The following PCDHGB7 variants were observed in gnomAD, a reference collection of about 807,000 sequenced individuals.
The protein encoded by PCDHGB7 is protocadherin gamma subfamily B, 7.
A neutral mutation model predicts 61.4 loss-of-function variants in PCDHGB7; 37 were observed. The ratio of observed to expected loss-of-function variants is 0.60; its 90% confidence interval spans 0.46 to 0.79. The LOEUF is 0.79. Ranked by LOEUF, PCDHGB7 falls within the 30% of genes least tolerant of loss-of-function variation. The pLI is 0.00. For synonymous variants in PCDHGB7, 464 were observed against 503.5 expected (o/e 0.92, Z 1.05); for missense variants, 1,166 against 1,202.5 (o/e 0.97, Z 0.45).
rs781289120 is a variant in PCDHGB7 at position 141,431,571 on chromosome 5, A to G, written c.2415+11297A>G. ...GTAGTCAACGCTACCGACCCTGACG[A>G]AGGAGTCAATGCGGAAGTGAGGTAT... is the stretch of plus-strand genomic sequence containing the variant. On this transcript the variant is annotated intron_variant, in intron 1 of 3. Transcript: ENST00000398594. The surrounding 1 kb of genome is among the most constrained non-coding windows in gnomAD (Gnocchi z 4.8). 6.2e-7 allele frequency: 1 copy of G among 1,614,144 alleles called. No homozygotes were observed. The highest frequency in any genetic ancestry group is 2.2e-5 in the East Asian group (1 of 44,882).
At chr5:141,499,300 C>G (rs2154592463) in intron 2 of PCDHGB7, among the ~76,000 whole-genome samples, 1 of 152,292 alleles carries the variant, frequency 6.6e-6, no homozygotes, top group South Asian at 2.1e-4. Context: ...ACTACCATCC[C>G]TCCTCTGAGA....
chr5:141,421,073 G>A (rs2096544393), intron 1 of PCDHGB7: 4 of 613,858 alleles, frequency 6.5e-6, no homozygotes, highest in Non-Finnish European at 1.1e-5. Flanking sequence ...GGAATGAGAT[G>A]GATACTCACA....
At chr5:141,455,537 A>G (rs1158681837) in intron 1 of PCDHGB7, among the ~76,000 whole-genome samples, 2 of 152,162 alleles carry the variant, frequency 1.3e-5, no homozygotes, top group Non-Finnish European at 2.9e-5. Flanking sequence ...CAGGCATATC[A>G]TTCACGTAGC....
chr5:141,490,585 G>C lies in PCDHGB7; in HGVS notation c.2416-4222G>C. On this transcript the variant is annotated intron_variant, in intron 1 of 3. Transcript: ENST00000398594. The surrounding 1 kb of genome is among the most constrained non-coding windows in gnomAD (Gnocchi z 5.4). Reference sequence around the variant, plus strand: ...CAGGCTCAACATTTCAGATGTCAATGACAATGCACCCCGCTTCAACCAGCA... The same window carrying C: ...CAGGCTCAACATTTCAGATGTCAATCACAATGCACCCCGCTTCAACCAGCA... The C allele has an allele frequency of 6.2e-7, 1 of 1,614,142 alleles. No homozygotes were observed. Among genetic ancestry groups the C allele is most frequent in the South Asian group, 1.1e-5 (1 of 91,078 alleles).
chr5:141,419,220 A>G lies in PCDHGB7; in HGVS notation c.1361A>G (p.Gln454Arg), dbSNP rs2096345873. Reference sequence around the variant, plus strand: ...AATGACAACGCGCCGGTTTTCGGACAGTCAGCCTACCTGGTCCACGTGCCA... The same window carrying G: ...AATGACAACGCGCCGGTTTTCGGACGGTCAGCCTACCTGGTCCACGTGCCA... Reference protein sequence around the residue: ...DVNDNAPVFGQSAYLVHVPEN... With the variant: ...DVNDNAPVFGRSAYLVHVPEN... The change falls in exon 1 of 4, where the codon CAG (glutamine) becomes CGG (arginine). Residue 454 changes from glutamine to arginine, a missense_variant. By Grantham distance (43) the Gln-to-Arg change is conservative. Coordinates refer to ENST00000398594, the MANE Select transcript of PCDHGB7 (RefSeq NM_018927.4). 1 of 1,613,966 alleles carries G rather than the reference A, an allele frequency of 6.2e-7. No homozygotes were observed. The highest frequency in any genetic ancestry group is 8.5e-7 in the Non-Finnish European group (1 of 1,179,878).
At position 141,473,164 on chromosome 5, in the gene PCDHGB7, G is replaced by A. The variant is rs190029663; in HGVS notation, c.2416-21643G>A. Among the ~76,000 whole-genome samples the A allele has an allele frequency of 1.6e-3, 241 of 152,250 alleles. 5 individuals carry two copies. The highest frequency in any genetic ancestry group is 2.1e-4 in the Non-Finnish European group (14 of 68,014). ...TCTTCAGATCACTAGGGCTAGGAAG[G>A]CCCACTGGTAACTTGAAGGAGTAAA... On this transcript the variant is annotated intron_variant, in intron 1 of 3. Transcript: ENST00000398594.
In PCDHGB7 at chr5:141,486,727, T is replaced by C; in HGVS notation, c.2416-8080T>C. ...TGAACCCCCAGACAGGAGCTGTTCA[T>C]GCTACTCGATCCTTTGACTATGAGC... On this transcript the variant is annotated intron_variant, in intron 1 of 3. Transcript: ENST00000398594. The surrounding 1 kb of genome is among the most constrained non-coding windows in gnomAD (Gnocchi z 5.0). 6.2e-7 allele frequency: 1 copy of C among 1,614,232 alleles called. No homozygotes were observed. Among genetic ancestry groups the C allele is most frequent in the Non-Finnish European group, 8.5e-7 (1 of 1,180,044 alleles).
chr5:141,435,454 T>C (rs1407615505), intron 1 of PCDHGB7, among the ~76,000 whole-genome samples: 1 of 152,220 alleles, frequency 6.6e-6, no homozygotes, highest in Non-Finnish European at 1.5e-5. Flanking sequence ...ACGATATCTG[T>C]ATGTGTTTCC....
rs1395688351 is a variant in PCDHGB7 at position 141,485,907 on chromosome 5, C to A, written c.2416-8900C>A. On this transcript the variant is annotated intron_variant, in intron 1 of 3. Coordinates refer to ENST00000398594, the MANE Select transcript of PCDHGB7 (RefSeq NM_018927.4). The surrounding 1 kb of genome is among the most constrained non-coding windows in gnomAD (Gnocchi z 5.7). ...GACAACGCCCCAGCCTTCCAGCAAT[C>A]CAGCTACAGGATTAGTGTGTTGGAG... is the stretch of plus-strand genomic sequence containing the variant. 6.2e-7 allele frequency: 1 copy of A among 1,614,176 alleles called. No homozygotes were observed.
intron 1 of PCDHGB7, among the ~76,000 whole-genome samples, chr5:141,459,101 C>A (rs1021289352): frequency 6.6e-6 from 1 of 152,192 alleles, no homozygotes; most frequent in Non-Finnish European, 1.5e-5. Context: ...CAGTGCAATG[C>A]ATTTTGACAA....
At chr5:141,426,010 C>T (rs2096909211) in intron 1 of PCDHGB7, among the ~76,000 whole-genome samples, 1 of 152,178 alleles carries the variant, frequency 6.6e-6, no homozygotes, top group Non-Finnish European at 1.5e-5. Flanking sequence ...CTTCCGGCTG[C>T]AGTTTTCTAA....
chr5:141,452,002 T>C (rs965343762), intron 1 of PCDHGB7, among the ~76,000 whole-genome samples: 1 of 152,220 alleles, frequency 6.6e-6, no homozygotes, highest in African/African-American at 2.4e-5. Context: ...GCAAAATCAC[T>C]TGGTCCAGCC....
At chr5:141,498,073 T>C (rs1474889879) in intron 2 of PCDHGB7, among the ~76,000 whole-genome samples, 1 of 152,214 alleles carries the variant, frequency 6.6e-6, no homozygotes, top group Non-Finnish European at 1.5e-5. Context: ...CTGTCATAAG[T>C]GCTAGGTAGA....
chr5:141,423,506 T>C (rs1242003813), intron 1 of PCDHGB7: 1 of 1,613,808 alleles, frequency 6.2e-7, no homozygotes, highest in African/African-American at 1.3e-5. Context: ...GAGGTCTCTC[T>C]CATTGCGGAC....
At position 141,491,910 on chromosome 5, in the gene PCDHGB7, G is replaced by T. The variant is rs946745903; in HGVS notation, c.2416-2897G>T. On this transcript the variant is annotated intron_variant, in intron 1 of 3. Coordinates refer to ENST00000398594, the MANE Select transcript of PCDHGB7 (RefSeq NM_018927.4). This position sits in a 1 kb window ranked among gnomAD's most constrained non-coding sequence, Gnocchi z 6.9. ...GGCTCCGAGCACCGGGGGTGGTGGC[G>T]ACTGTGGGCGAGGGGAGGTGGGACC... 3.6e-6 allele frequency: 5 copies of T among 1,406,946 alleles called. No individual in the cohort carries two copies. Among genetic ancestry groups the T allele is most frequent in the Non-Finnish European group, 4.7e-6 (5 of 1,059,702 alleles). 87.2% of individuals were successfully genotyped at this position (1,406,946 alleles called of 1,614,324 possible).
At chr5:141,494,305 C>T (rs544773836) in intron 1 of PCDHGB7, among the ~76,000 whole-genome samples, 1 of 152,346 alleles carries the variant, frequency 6.6e-6, no homozygotes, top group East Asian at 1.9e-4. Context: ...GAATGTGTCA[C>T]TGCACAACCT....
intron 1 of PCDHGB7, among the ~76,000 whole-genome samples, chr5:141,434,340 G>A (rs2097687601): frequency 6.6e-6 from 1 of 152,150 alleles, no homozygotes; most frequent in Non-Finnish European, 1.5e-5. Context: ...TTTGTGTCGG[G>A]AACAGGCCCC....
rs192741775 is a variant in PCDHGB7, at chr5:141,428,173, C to A, written c.2415+7899C>A. The A allele has an allele frequency of 3.2e-4, 487 of 1,514,722 alleles. 1 individual carries two copies. In the Middle Eastern group the frequency reaches 7.1e-3, roughly 22 times the overall value. The allele number at this position is 1,514,722 out of a possible 1,614,324, so 93.8% of individuals were successfully genotyped here. On this transcript the variant is annotated intron_variant, in intron 1 of 3. Transcript: ENST00000398594. The stretch of plus-strand genomic sequence containing the variant: ...GGAACCTGCTGGTTGCTGTGCGTGA[C>A]GGAGGACAGCCGCCGCTCTCTGCGC...
In PCDHGB7 at chr5:141,477,798, A is replaced by G; in HGVS notation, c.2416-17009A>G. On this transcript the variant is annotated intron_variant, in intron 1 of 3. Transcript: ENST00000398594. The surrounding 1 kb of genome is among the most constrained non-coding windows in gnomAD (Gnocchi z 4.9). ...GTGAACATATTTGTCACTGATCGCA[A>G]TGACAATGCCCCCCAGGTCCTATAT... The G allele has an allele frequency of 6.2e-7, 1 of 1,614,140 alleles. No homozygotes were observed. The highest frequency in any genetic ancestry group is 8.5e-7 in the Non-Finnish European group (1 of 1,180,038).
Sources: gnomAD v4.1 joint callset for allele counts (sites outside exome capture counted in the v4.1 genomes callset) on GRCh38, gnomAD v4.1.1 for gene constraint, Gnocchi (gnomAD v3.1) non-coding constraint, MANE v1.5 for transcripts, NCBI Gene and HGNC (gene_info 2026-07-23, HGNC 2026-07-21) for gene names.